REC114: variants seen among roughly 807,000 people sequenced by gnomAD.
The protein encoded by REC114 is meiotic recombination protein REC114.
A neutral mutation model predicts 31.3 loss-of-function variants in REC114; 27 were observed. The ratio of observed to expected loss-of-function variants is 0.86; its 90% CI spans 0.64 to 1.19. The LOEUF (loss-of-function observed/expected upper bound fraction) is 1.19, where lower values mean the gene tolerates loss of function less well. Among genes scored for constraint, REC114 ranks in the 50% most tolerant of loss-of-function variants. REC114 has a pLI of 0.00. For synonymous variants in REC114, 134 were observed against 127.7 expected, an observed-to-expected ratio of 1.05 and a Z score of -0.33; for missense variants, 344 against 326.9, an observed-to-expected ratio of 1.05 and a Z score of -0.40.
intron 2 of REC114, among the ~76,000 whole-genome samples, chr15:73,493,026 A>AT (rs1325677290): frequency 9.5e-5 from 14 of 147,038 alleles, no homozygotes; most frequent in African/African-American, 3.3e-4. Context: ...TTATTTATTT[A>AT]TTTTTTTTGA....
chr15:73,516,650 AT>A (rs1286788411), intron 2 of REC114, among the ~76,000 whole-genome samples: 1 of 151,952 alleles, frequency 6.6e-6, no homozygotes, highest in Non-Finnish European at 1.5e-5. Flanking sequence ...GCTATAAATA[AT>A]TTTTATACTC....
intron 2 of REC114, among the ~76,000 whole-genome samples, chr15:73,505,839 C>T: frequency 6.6e-6 from 1 of 152,174 alleles, no homozygotes; most frequent in Non-Finnish European, 1.5e-5. Flanking sequence ...GCCTGCACTT[C>T]TCCTTCTTAC....
At chr15:73,540,047 G>T (rs1894217425) in intron 2 of REC114, among the ~76,000 whole-genome samples, 1 of 152,062 alleles carries the variant, frequency 6.6e-6, no homozygotes, top group Admixed American at 6.5e-5. Flanking sequence ...CCATTCATAG[G>T]AATATGAAAA....
chr15:73,459,977 A>T (rs1186499155), intron 1 of REC114, among the ~76,000 whole-genome samples: 1 of 152,140 alleles, frequency 6.6e-6, no homozygotes, highest in Non-Finnish European at 1.5e-5. Context: ...TCTTTTGGTT[A>T]TGTTTAATTG....
intron 2 of REC114, among the ~76,000 whole-genome samples, chr15:73,514,153 G>A (rs1421960585): frequency 3.3e-5 from 5 of 151,826 alleles, no homozygotes; most frequent in African/African-American, 7.3e-5. Context: ...GTGGTGCGCC[G>A]TTTTTTAAGC....
intron 2 of REC114, among the ~76,000 whole-genome samples, chr15:73,484,956 C>G (rs889521931): frequency 1.3e-5 from 2 of 152,154 alleles, no homozygotes; most frequent in Admixed American, 6.5e-5. Context: ...TTTAAGTGAA[C>G]TCTGAAACCT....
At chr15:73,452,969 T>C (rs956729978) in intron 1 of REC114, among the ~76,000 whole-genome samples, 1 of 152,172 alleles carries the variant, frequency 6.6e-6, no homozygotes, top group African/African-American at 2.4e-5. Flanking sequence ...TTACATCTTA[T>C]ACAAAAATCA....
chr15:73,530,418 T>C (rs918804786), intron 2 of REC114, among the ~76,000 whole-genome samples: 1 of 152,210 alleles, frequency 6.6e-6, no homozygotes, highest in African/African-American at 2.4e-5. Flanking sequence ...TCCCATCACT[T>C]TGGGAGGCCC....
intron 4 of REC114, among the ~76,000 whole-genome samples, chr15:73,553,489 A>G (rs1229607230): frequency 6.6e-6 from 1 of 152,208 alleles, no homozygotes; most frequent in Non-Finnish European, 1.5e-5. Context: ...ATGATAGTAT[A>G]GTATACCCAG....
intron 2 of REC114, among the ~76,000 whole-genome samples, chr15:73,508,559 G>A (rs1267514102): frequency 6.8e-6 from 1 of 146,832 alleles, no homozygotes; most frequent in Non-Finnish European, 1.5e-5. Flanking sequence ...TCGTCATCTA[G>A]CATTAGGTAT....
intron 2 of REC114, among the ~76,000 whole-genome samples, chr15:73,528,372 C>T (rs751287849): frequency 1.7e-4 from 26 of 152,056 alleles, no homozygotes; most frequent in Non-Finnish European, 3.1e-4. Flanking sequence ...ACTATGGAAT[C>T]GAATACCTGT....
At chr15:73,534,602 C>T (rs572272602) in intron 2 of REC114, among the ~76,000 whole-genome samples, 4,526 of 152,096 alleles carry the variant, frequency 0.03, 114 homozygotes, top group Non-Finnish European at 0.046. Flanking sequence ...ACCAGAGGTA[C>T]AAGGAGGAAC....
At chr15:73,498,747 T>A (rs1304150291) in intron 2 of REC114, among the ~76,000 whole-genome samples, 2 of 152,186 alleles carry the variant, frequency 1.3e-5, no homozygotes, top group Non-Finnish European at 2.9e-5. Context: ...TATTAATGGA[T>A]TTAGGCTGTG....
chr15:73,494,460 C>T (rs1893488343), intron 2 of REC114, among the ~76,000 whole-genome samples: 1 of 150,356 alleles, frequency 6.7e-6, no homozygotes, highest in South Asian at 2.1e-4. Flanking sequence ...CCACTTCCCT[C>T]CAGCCTGGGT....
chr15:73,485,444 C>A (rs575323230), intron 2 of REC114, among the ~76,000 whole-genome samples: 1 of 152,276 alleles, frequency 6.6e-6, no homozygotes, highest in South Asian at 2.1e-4. Flanking sequence ...CTGAGTCCTA[C>A]CCAAACCTCA....
At chr15:73,556,456 C>T in intron 5 of REC114, 65 bp downstream of exon 5, 3 of 1,338,116 alleles carry the variant, frequency 2.2e-6, no homozygotes, top group East Asian at 2.4e-5. Flanking sequence ...GAATTTGTAT[C>T]CCTTTGTTCA....
At chr15:73,453,334 A>C (rs1488914879) in intron 1 of REC114, among the ~76,000 whole-genome samples, 1 of 151,906 alleles carries the variant, frequency 6.6e-6, no homozygotes, top group African/African-American at 2.4e-5. Context: ...TGTACAAAAG[A>C]AGACATTTAT....
intron 3 of REC114, among the ~76,000 whole-genome samples, chr15:73,550,056 C>A (rs774121129): frequency 2.0e-5 from 3 of 152,142 alleles, no homozygotes; most frequent in Non-Finnish European, 2.9e-5. Context: ...CTGTGCTAAG[C>A]TTAGCATCTA....
chr15:73,554,448 C>A (rs907628049), intron 4 of REC114, among the ~76,000 whole-genome samples: 3 of 152,106 alleles, frequency 2.0e-5, no homozygotes, highest in African/African-American at 7.2e-5. Context: ...TAGTTATTTC[C>A]TTCTTTGCAA....
Sources: gnomAD v4.1 joint callset for allele counts (sites outside exome capture counted in the v4.1 genomes callset) on GRCh38, gnomAD v4.1.1 for gene constraint, MANE v1.5 for transcripts, NCBI Gene and HGNC (gene_info 2026-07-23, HGNC 2026-07-21) for gene names.